PHC3: variants seen among roughly 807,000 people sequenced by gnomAD.
PHC3 encodes polyhomeotic-like protein 3.
PHC3 carries 13 observed loss-of-function variants against 107.4 expected under a neutral mutation model. That is an observed-to-expected ratio of 0.12 (90% CI 0.08 to 0.19). PHC3 has a LOEUF of 0.19. PHC3 is among the 10% of genes least tolerant of loss of function. The pLI is 1.00. For missense variants in PHC3, 992 were observed against 1,210.9 expected (o/e 0.82, Z 2.68); for synonymous variants, 456 against 427.4 (o/e 1.07, Z -0.83).
intron 12 of PHC3, among the ~76,000 whole-genome samples, chr3:170,105,025 C>G (rs934774609): frequency 6.6e-6 from 1 of 152,226 alleles, no homozygotes; most frequent in African/African-American, 2.4e-5. Context: ...TACCCTCTCT[C>G]ATCCACATTT....
At chr3:170,150,700 G>C (rs573322140) in intron 4 of PHC3, 2 of 425,446 alleles carry the variant, frequency 4.7e-6, no homozygotes, top group South Asian at 3.2e-5. Flanking sequence ...GCGACAGAGC[G>C]ACACTCCATC....
intron 1 of PHC3, 46 bp downstream of exon 1, chr3:170,181,656 A>G (rs747935132): frequency 3.1e-6 from 5 of 1,612,082 alleles, no homozygotes; most frequent in Admixed American, 3.3e-5. Context: ...CGCTGCCCCA[A>G]CTCGCCCCCC....
intron 4 of PHC3, among the ~76,000 whole-genome samples, chr3:170,161,494 T>G (rs1202587344): frequency 6.6e-6 from 1 of 152,050 alleles, no homozygotes; most frequent in Non-Finnish European, 1.5e-5. Flanking sequence ...CAAACCTAGA[T>G]CCCTCCCATG....
intron 2 of PHC3, among the ~76,000 whole-genome samples, chr3:170,175,465 C>T (rs1372792959): frequency 6.6e-6 from 1 of 151,730 alleles, no homozygotes; most frequent in Non-Finnish European, 1.5e-5. Flanking sequence ...TAGTGAGATC[C>T]TGTCTCTACA....
At chr3:170,104,612 TC>T (rs908689334) in intron 12 of PHC3, among the ~76,000 whole-genome samples, 15 of 152,054 alleles carry the variant, frequency 9.9e-5, no homozygotes, top group Non-Finnish European at 2.2e-4. Flanking sequence ...CAAGAATAAA[TC>T]CCAATTAACT....
chr3:170,139,443 G>C (rs895084301), intron 6 of PHC3, among the ~76,000 whole-genome samples: 1 of 152,110 alleles, frequency 6.6e-6, no homozygotes, highest in African/African-American at 2.4e-5. Context: ...CTATAAAGTA[G>C]ACTGCATAGT....
chr3:170,174,158 A>C (rs1284320421), intron 2 of PHC3, among the ~76,000 whole-genome samples: 1 of 151,924 alleles, frequency 6.6e-6, no homozygotes, highest in African/African-American at 2.4e-5. Flanking sequence ...ATGCCACTGC[A>C]CTCCAGCCTA....
rs766119089 is a variant in PHC3, at chr3:170,102,821, C to T, written c.2582G>A (p.Arg861Lys). Reference sequence around the variant, plus strand: ...ACAGACCTGCCTAAGGATATGTTCTCTCGCTGCCCCATCAGGGCCACTTGG... The same window carrying T: ...ACAGACCTGCCTAAGGATATGTTCTTTCGCTGCCCCATCAGGGCCACTTGG... ...RRPSGPDGAAREHILRQLPIT... is the reference protein window; with the variant it reads ...RRPSGPDGAAKEHILRQLPIT... Residue 861 changes from arginine (R) to lysine (K), a missense_variant, in exon 13 of 15, where the codon AGA (arginine) becomes AAA (lysine). Transcript: ENST00000495893. 6.2e-6 allele frequency: 10 copies of T among 1,613,814 alleles called. No homozygotes were observed. The South Asian group carries it at 7.7e-5, about 12-fold the overall frequency.
chr3:170,130,039 TATC>T (rs1721997198), intron 7 of PHC3, among the ~76,000 whole-genome samples: 1 of 152,136 alleles, frequency 6.6e-6, no homozygotes, highest in African/African-American at 2.4e-5. Flanking sequence ...AACTAGAAAA[TATC>T]ATAAAATACA....
intron 6 of PHC3, among the ~76,000 whole-genome samples, chr3:170,141,735 C>G (rs950486214): frequency 1.3e-5 from 2 of 152,106 alleles, no homozygotes; most frequent in Admixed American, 6.6e-5. Context: ...CCTCAGCCCC[C>G]CAGGTAGCTG....
intron 5 of PHC3, chr3:170,147,941 G>A (rs1398147136): frequency 6.6e-6 from 1 of 152,146 alleles, no homozygotes; most frequent in Admixed American, 6.6e-5. Flanking sequence ...CATAGTATGA[G>A]TTAAATGATT....
At position 170,118,481 on chromosome 3, in the gene PHC3, G is replaced by A. The variant is rs369707998; in HGVS notation, c.1943-1005C>T. Among the ~76,000 whole-genome samples, 12 of 152,182 alleles carry A rather than the reference G, an allele frequency of 7.9e-5. No individual in the cohort carries two copies. In the East Asian group the frequency reaches 1.4e-3, roughly 17 times the overall value. ...GGCTGGAGTGCAGTGGCACGATCTC[G>A]GCTCACTGCAAGCTCTGCCTCCCGG... On this transcript the variant is annotated intron_variant, in intron 9 of 14. Coordinates refer to ENST00000495893, the MANE Select transcript of PHC3 (RefSeq NM_024947.4).
At chr3:170,122,220 G>A (rs533710755) in intron 9 of PHC3, among the ~76,000 whole-genome samples, 6 of 152,302 alleles carry the variant, frequency 3.9e-5, no homozygotes, top group Non-Finnish European at 7.3e-5. Context: ...GGATGACAGA[G>A]ACTGACCCTG....
chr3:170,122,510 G>C, intron 9 of PHC3, 81 bp downstream of exon 9: 1 of 1,456,330 alleles, frequency 6.9e-7, no homozygotes, highest in Non-Finnish European at 9.6e-7. Context: ...GGTGAAAGGA[G>C]GAAAGGGAAA....
chr3:170,103,895 A>C (rs193189579), intron 12 of PHC3, among the ~76,000 whole-genome samples: 1 of 151,986 alleles, frequency 6.6e-6, no homozygotes, highest in East Asian at 1.9e-4. Flanking sequence ...CACGGTGAAA[A>C]CCCGTCTCTA....
At position 170,178,869 on chromosome 3, in the gene PHC3, GGTT is replaced by G. The variant is rs1730950778; in HGVS notation, c.81_83del (p.Thr28del). On this transcript the variant is annotated inframe_deletion, in exon 2 of 15. Transcript: ENST00000495893. ...TGATGGTGGTGGTGGTGGTACTGCT[GGTT>G]GTTGTTGACACAGAAGATGTTCCCG... The G allele has an allele frequency of 1.2e-6, 2 of 1,613,920 alleles. No individual in the cohort carries two copies. Among genetic ancestry groups the G allele is most frequent in the Admixed American group, 1.7e-5 (1 of 60,020 alleles).
At chr3:170,174,227 T>A (rs1357277337) in intron 2 of PHC3, among the ~76,000 whole-genome samples, 1 of 151,764 alleles carries the variant, frequency 6.6e-6, no homozygotes, top group Non-Finnish European at 1.5e-5. Flanking sequence ...AAATAAAAAA[T>A]AAAATTATAA....
chr3:170,180,133 TA>T (rs200760932), intron 1 of PHC3, among the ~76,000 whole-genome samples: 11 of 99,294 alleles, frequency 1.1e-4, no homozygotes, highest in Non-Finnish European at 2.0e-4. Flanking sequence ...GAACCAAATG[TA>T]AAAAAAAACC....
chr3:170,171,174 T>C, intron 4 of PHC3, 199 bp downstream of exon 4: 1 of 574,806 alleles, frequency 1.7e-6, no homozygotes, highest in Non-Finnish European at 3.0e-6. Flanking sequence ...TACAAAAAGA[T>C]TTTTTTAAGA....
Sources: gnomAD v4.1 joint callset for allele counts (sites outside exome capture counted in the v4.1 genomes callset) on GRCh38, gnomAD v4.1.1 for gene constraint, MANE v1.5 for transcripts, NCBI Gene and HGNC (gene_info 2026-07-23, HGNC 2026-07-21) for gene names.